Variants in CCDC61 observed in about 807,000 individuals in gnomAD.
CCDC61 encodes the protein coiled-coil domain containing 61, also known as centrosomal protein CCDC61.
CCDC61 carries 55 observed loss-of-function variants against 63.0 expected under a neutral mutation model. The observed-to-expected ratio is 0.87, with a 90% CI of 0.70 to 1.09. The LOEUF (loss-of-function observed/expected upper bound fraction) is 1.09, where lower values mean the gene tolerates loss of function less well. CCDC61 is among the 50% of genes least tolerant of loss of function. The pLI is 0.00. For missense variants in CCDC61, 651 were observed against 731.4 expected (o/e 0.89, Z 1.27); for synonymous variants, 270 against 317.0 (o/e 0.85, Z 1.58).
chr19:46,009,831 T>C (rs1981773), intron 5 of CCDC61, among the ~76,000 whole-genome samples: 40,842 of 151,734 alleles, frequency 0.27, 5,752 homozygotes, highest in African/African-American at 0.33. Flanking sequence ...TGTGTGTGTG[T>C]GTGTGTGCGC....
At chr19:46,009,863 C>CTG (rs146005277) in intron 5 of CCDC61, among the ~76,000 whole-genome samples, 1 of 151,210 alleles carries the variant, frequency 6.6e-6, no homozygotes, top group African/African-American at 2.4e-5. Context: ...CTGTCTCAGG[C>CTG]TGTGTGTGTG....
intron 5 of CCDC61, among the ~76,000 whole-genome samples, chr19:46,013,341 G>C (rs778260878): frequency 1.3e-5 from 2 of 151,844 alleles, no homozygotes; most frequent in Non-Finnish European, 2.9e-5. Flanking sequence ...AATTTTTGTA[G>C]AGATGGGGAT....
At chr19:46,011,064 T>C (rs542112753) in intron 5 of CCDC61, among the ~76,000 whole-genome samples, 1 of 152,046 alleles carries the variant, frequency 6.6e-6, no homozygotes, top group Non-Finnish European at 1.5e-5. Flanking sequence ...TTCTTTCTTT[T>C]TTTTTTTTTC....
In CCDC61 at chr19:46,008,155, G is replaced by A; in HGVS notation, c.405G>A (p.Leu135=). 6.2e-7 allele frequency: 1 copy of A among 1,610,484 alleles called. No homozygotes were observed. The highest frequency in any genetic ancestry group is 1.1e-5 in the South Asian group (1 of 90,352). The stretch of plus-strand genomic sequence containing the variant: ...CCCTCCTCAGGATTCACTACCCGCT[G>A]CCCCTCCCGTACCAGGGCAAGCCAG... ...SVEFDRIHYP[L]PLPYQGKPDP... is the part of the protein sequence containing the mutation. Residue 135 remains leucine, a synonymous_variant, in exon 5 of 14, where the codon CTG becomes CTA. Coordinates refer to ENST00000595358, the MANE Select transcript of CCDC61 (RefSeq NM_001267723.2).
chr19:46,014,472 G>C (rs1369738265), intron 5 of CCDC61, among the ~76,000 whole-genome samples: 3 of 152,178 alleles, frequency 2.0e-5, no homozygotes, highest in African/African-American at 7.2e-5. Flanking sequence ...AGTTTTGTGG[G>C]ACTCAATTGA....
At chr19:46,004,343 C>T (rs942437904) in intron 3 of CCDC61, among the ~76,000 whole-genome samples, 4 of 152,202 alleles carry the variant, frequency 2.6e-5, no homozygotes, top group African/African-American at 7.2e-5. Context: ...GACAGTGTGT[C>T]AGTCATTGTG....
chr19:45,998,433 G>A (rs893479415), intron 1 of CCDC61, among the ~76,000 whole-genome samples: 2 of 152,238 alleles, frequency 1.3e-5, no homozygotes, highest in African/African-American at 4.8e-5. Flanking sequence ...TTCAGAGTTT[G>A]CTGGGGCCAC....
rs967050033 is a variant in CCDC61 at position 46,013,881 on chromosome 19, A to G, written c.552-1168A>G. Among the ~76,000 whole-genome samples, 49 of 152,134 alleles carry G rather than the reference A, an allele frequency of 3.2e-4. 1 individual carries two copies. Among genetic ancestry groups the G allele is most frequent in the Non-Finnish European group, 6.3e-4 (43 of 67,986 alleles). On this transcript the variant is annotated intron_variant, in intron 5 of 13. Coordinates refer to ENST00000595358, the MANE Select transcript of CCDC61 (RefSeq NM_001267723.2). ...ACTCCGTCTCAGAAAAAAAAAAAAA[A>G]AGATTTCTTTGCAGTTCTTTTTGGC...
Position 46,015,921 on chromosome 19 carries a change from T to C in CCDC61, c.846-133T>C, listed in dbSNP as rs1046891766. On this transcript the variant is annotated intron_variant, in intron 7 of 13. Transcript: ENST00000595358. This position sits in a 1 kb window ranked among gnomAD's most constrained non-coding sequence, Gnocchi z 5.3. ...GGGGGGGAAGATATCGAGAGGGTCA[T>C]GGGCCCAGGAGTGCACGTCTAGGAG... The C allele has an allele frequency of 6.9e-6, 5 of 725,056 alleles. No individual in the cohort carries two copies. The highest frequency in any genetic ancestry group is 4.4e-5 in the Admixed American group (1 of 22,620). 44.9% of individuals were successfully genotyped at this position (725,056 alleles called of 1,614,324 possible).
rs375715791 is a variant in CCDC61 at position 46,018,245 on chromosome 19, G to A, written c.1442-45G>A. On this transcript the variant is annotated intron_variant, in intron 13 of 13. Coordinates refer to ENST00000595358, the MANE Select transcript of CCDC61 (RefSeq NM_001267723.2). The surrounding 1 kb of genome is among the most constrained non-coding windows in gnomAD (Gnocchi z 4.2). ...ATATTGGGCCCAGGAACTCCCTGGG[G>A]CTTCAGGCCCCTCACAGCCCCCATA... 4 of 1,545,852 alleles carry A rather than the reference G, an allele frequency of 2.6e-6. No individual in the cohort carries two copies. The highest frequency in any genetic ancestry group is 3.5e-6 in the Non-Finnish European group (4 of 1,140,704).
At chr19:45,998,588 C>G (rs1456007641) in intron 1 of CCDC61, among the ~76,000 whole-genome samples, 1 of 152,116 alleles carries the variant, frequency 6.6e-6, no homozygotes, top group Admixed American at 6.5e-5. Context: ...GTCTAGAACC[C>G]CATTCCCTGG....
At position 46,016,785 on chromosome 19, in the gene CCDC61, A is replaced by C; in HGVS notation, c.1183A>C (p.Thr395Pro). 2 of 1,550,700 alleles carry C rather than the reference A, an allele frequency of 1.3e-6. No homozygotes were observed. Among genetic ancestry groups the C allele is most frequent in the African/African-American group, 1.4e-5 (1 of 73,272 alleles). ...SRQTQPPAAL[T>P]GRGDAPNRSR... is the part of the protein sequence containing the mutation. Reference sequence around the variant, plus strand: ...CCAGACCCAGCCCCCTGCTGCCTTGACTGGCCGAGGGGACGCCCCTAACCG... The same window carrying C: ...CCAGACCCAGCCCCCTGCTGCCTTGCCTGGCCGAGGGGACGCCCCTAACCG... Residue 395 changes from threonine (T) to proline (P), a missense_variant, in exon 10 of 14, where the codon ACT becomes CCT. By Grantham distance (38) the Thr-to-Pro change is conservative. Coordinates refer to ENST00000595358, the MANE Select transcript of CCDC61 (RefSeq NM_001267723.2). The surrounding 1 kb of genome is among the most constrained non-coding windows in gnomAD (Gnocchi z 7.2).
chr19:46,002,953 C>G, intron 1 of CCDC61, 55 bp from the exon 2 acceptor site: 1 of 1,535,226 alleles, frequency 6.5e-7, no homozygotes, highest in African/African-American at 1.4e-5. Flanking sequence ...GGCCTTCCAA[C>G]TCATGAGCCT....
At chr19:46,005,816 T>C (rs1968697515) in intron 3 of CCDC61, among the ~76,000 whole-genome samples, 2 of 151,620 alleles carry the variant, frequency 1.3e-5, no homozygotes, top group Non-Finnish European at 2.9e-5. Flanking sequence ...GTAAAAATAG[T>C]GTTCTATGAA....
Position 46,016,741 on chromosome 19 carries a change from C to T in CCDC61, c.1139C>T (p.Pro380Leu), listed in dbSNP as rs755316027. Residue 380 changes from proline to leucine, a missense_variant, in exon 10 of 14, where the codon CCG becomes CTG. By Grantham distance (98) the Pro-to-Leu change is moderately conservative. Transcript: ENST00000595358. This position sits in a 1 kb window ranked among gnomAD's most constrained non-coding sequence, Gnocchi z 7.2. The stretch of plus-strand genomic sequence containing the variant: ...GGCAGTGGGGGAAGCGGGGACGGTC[C>T]GTCCGTCTCCTGGTCTCGCCAGACC... Reference protein sequence around the residue: ...RLGSGGSGDGPSVSWSRQTQP... With the variant: ...RLGSGGSGDGLSVSWSRQTQP... 3.7e-6 allele frequency: 6 copies of T among 1,605,320 alleles called. No homozygotes were observed. In the Admixed American group the frequency reaches 5.1e-5, roughly 14 times the overall value.
At chr19:46,013,160 A>G (rs1968860996) in intron 5 of CCDC61, among the ~76,000 whole-genome samples, 1 of 152,116 alleles carries the variant, frequency 6.6e-6, no homozygotes, top group African/African-American at 2.4e-5. Flanking sequence ...CTGGGATTAC[A>G]GGTGCCCCCC....
In CCDC61 at chr19:46,016,774, C is replaced by A. The variant is rs1400795724; in HGVS notation, c.1172C>A (p.Pro391His). Reference protein sequence around the residue: ...SVSWSRQTQPPAALTGRGDAP... With the variant: ...SVSWSRQTQPHAALTGRGDAP... ...TCCTGGTCTCGCCAGACCCAGCCCC[C>A]TGCTGCCTTGACTGGCCGAGGGGAC... is the stretch of plus-strand genomic sequence containing the variant. The change falls in exon 10 of 14, where the codon CCT becomes CAT. Residue 391 changes from proline (P) to histidine (H), a missense_variant. Transcript: ENST00000595358. This position sits in a 1 kb window ranked among gnomAD's most constrained non-coding sequence, Gnocchi z 7.2. 1 of 1,562,276 alleles carries A rather than the reference C, an allele frequency of 6.4e-7. No individual in the cohort carries two copies. The highest frequency in any genetic ancestry group is 1.2e-5 in the South Asian group (1 of 84,644).
intron 5 of CCDC61, among the ~76,000 whole-genome samples, chr19:46,014,086 A>G (rs1017903051): frequency 1.3e-5 from 2 of 152,048 alleles, no homozygotes; most frequent in African/African-American, 4.8e-5. Flanking sequence ...TATAGTTCCA[A>G]AACTGAAAAA....
In CCDC61 at chr19:46,006,635, G is replaced by C. The variant is rs370699060; in HGVS notation, c.308G>C (p.Arg103Pro). The C allele has an allele frequency of 9.8e-5, 158 of 1,613,600 alleles. No homozygotes were observed. The highest frequency in any genetic ancestry group is 1.3e-4 in the Non-Finnish European group (155 of 1,179,742). ...CTGCGGAACCGCAAGATGGGGGGCC[G>C]CCCAGGCTCCTTGGCCCCCAGGTCG... is the stretch of plus-strand genomic sequence containing the variant. ...ESLRNRKMGG[R>P]PGSLAPRSAQ... Residue 103 changes from arginine (R) to proline (P), a missense_variant, in exon 4 of 14, where the codon CGC (arginine) becomes CCC (proline). Arg to Pro is a moderately radical substitution (Grantham distance 103). Transcript: ENST00000595358.
Sources: gnomAD v4.1 joint callset for allele counts (sites outside exome capture counted in the v4.1 genomes callset) on GRCh38, gnomAD v4.1.1 for gene constraint, Gnocchi (gnomAD v3.1) non-coding constraint, MANE v1.5 for transcripts, NCBI Gene and HGNC (gene_info 2026-07-23, HGNC 2026-07-21) for gene names.